The following RPA1 variants were observed in gnomAD, a reference collection of about 807,000 sequenced individuals.
RPA1 encodes replication protein A 70 kDa DNA-binding subunit.
RPA1 carries 49 observed loss-of-function variants against 83.0 expected under a neutral mutation model. The observed-to-expected ratio is 0.59, with a 90% confidence interval of 0.47 to 0.75. RPA1 has a LOEUF of 0.75. Among genes scored for constraint, RPA1 ranks in the 30% least tolerant of loss-of-function variants. RPA1 has a pLI of 0.00. For missense variants in RPA1, 693 were observed against 776.1 expected, an observed-to-expected ratio of 0.89 and a Z score of 1.27; for synonymous variants, 279 against 281.8, an observed-to-expected ratio of 0.99 and a Z score of 0.10.
chr17:1,868,151 T>A (rs531946141), intron 5 of RPA1, among the ~76,000 whole-genome samples: 2 of 152,250 alleles, frequency 1.3e-5, no homozygotes, highest in African/African-American at 4.8e-5. Context: ...AGTACCCAGC[T>A]CCACTGGGCC....
chr17:1,860,994 C>T (rs752979115), intron 5 of RPA1, among the ~76,000 whole-genome samples: 16 of 152,136 alleles, frequency 1.1e-4, no homozygotes, highest in Non-Finnish European at 2.1e-4. Context: ...TGTTCTACCT[C>T]GTGCCCCATG....
At chr17:1,896,663 C>G (rs575157587) in intron 16 of RPA1, among the ~76,000 whole-genome samples, 4 of 152,284 alleles carry the variant, frequency 2.6e-5, no homozygotes, top group South Asian at 2.1e-4. Flanking sequence ...GGTGCTCTTC[C>G]TTTCACCACT....
chr17:1,892,839 A>G (rs1253620047), intron 15 of RPA1, among the ~76,000 whole-genome samples: 1 of 152,234 alleles, frequency 6.6e-6, no homozygotes, highest in Non-Finnish European at 1.5e-5. Flanking sequence ...TATTTAATGT[A>G]CAGAATAGAT....
rs1914475783 is a variant in RPA1, at chr17:1,897,210, T to C, written c.*35T>C. 6.2e-6 allele frequency: 9 copies of C among 1,459,632 alleles called. No individual in the cohort carries two copies. The highest frequency in any genetic ancestry group is 2.0e-5 in the Admixed American group (1 of 48,978). 90.4% of individuals were successfully genotyped at this position (1,459,632 alleles called of 1,614,324 possible). ...TGCCAATCGGGCAGAAGTTTGCAAA[T>C]AGGCAGAATGGAATCGATTTCCTCC... is the stretch of plus-strand genomic sequence containing the variant. On this transcript the variant is annotated 3_prime_UTR_variant, in exon 17 of 17. Transcript: ENST00000254719.
At chr17:1,873,179 T>A (rs1913441894) in intron 6 of RPA1, among the ~76,000 whole-genome samples, 1 of 152,162 alleles carries the variant, frequency 6.6e-6, no homozygotes, top group African/African-American at 2.4e-5. Flanking sequence ...TCTCTCCGAG[T>A]TTCCTATTTT....
At chr17:1,872,262 C>G (rs1163865399) in intron 5 of RPA1, 172 bp from the exon 6 acceptor site, 2 of 953,550 alleles carry the variant, frequency 2.1e-6, no homozygotes, top group Non-Finnish European at 1.5e-6. Flanking sequence ...AAAAAGTGAA[C>G]CCCTAGCAAA....
intron 13 of RPA1, among the ~76,000 whole-genome samples, chr17:1,887,614 A>G (rs1914041611): frequency 6.6e-6 from 1 of 151,250 alleles, no homozygotes; most frequent in African/African-American, 2.4e-5. Context: ...AGGGCCAGGC[A>G]TGGTGGCTTA....
chr17:1,849,289 CTTTTTTT>C (rs61062085), intron 4 of RPA1, among the ~76,000 whole-genome samples: 24,388 of 116,274 alleles, frequency 0.21, 2,045 homozygotes, highest in East Asian at 0.42. Flanking sequence ...GTTGGCTGTT[CTTTTTTT>C]TTTTTTTTTT....
intron 11 of RPA1, among the ~76,000 whole-genome samples, chr17:1,880,146 G>A (rs893507742): frequency 6.6e-6 from 1 of 151,896 alleles, no homozygotes; most frequent in Admixed American, 6.6e-5. Context: ...TGGGGTTGGC[G>A]GAGGGGGCGT....
chr17:1,858,725 A>G (rs1912819896), intron 5 of RPA1, among the ~76,000 whole-genome samples: 1 of 151,914 alleles, frequency 6.6e-6, no homozygotes, highest in South Asian at 2.1e-4. Flanking sequence ...TCAGCCTCCC[A>G]AAGTGCTGGA....
At chr17:1,882,685 G>C (rs1271911887) in intron 12 of RPA1, among the ~76,000 whole-genome samples, 3 of 152,210 alleles carry the variant, frequency 2.0e-5, no homozygotes, top group African/African-American at 7.2e-5. Flanking sequence ...AACCACTTTT[G>C]GCTTCTGTAT....
Position 1,830,134 on chromosome 17 carries a change from G to T in RPA1, c.33+8G>T. The T allele has an allele frequency of 8.0e-7, 1 of 1,245,912 alleles. No homozygotes were observed. 77.2% of individuals were successfully genotyped at this position (1,245,912 alleles called of 1,614,324 possible). A position where few individuals can be genotyped will look rare whatever the true frequency, so the allele number is the denominator to read the frequency against. On this transcript the variant is annotated splice_region_variant and intron_variant, in intron 1 of 16. Coordinates refer to ENST00000254719, the MANE Select transcript of RPA1 (RefSeq NM_002945.5). ...AGCGAGGGGGCCATTGCGGTGAGGAGGTGCCGGGGGCTGGGCCGGCGGTCC... is the reference window on the plus strand; with the variant it reads ...AGCGAGGGGGCCATTGCGGTGAGGATGTGCCGGGGGCTGGGCCGGCGGTCC...
At chr17:1,880,205 T>TG (rs937065710) in intron 11 of RPA1, among the ~76,000 whole-genome samples, 3 of 152,050 alleles carry the variant, frequency 2.0e-5, no homozygotes, top group Admixed American at 1.3e-4. Flanking sequence ...GAGCTCCTCG[T>TG]GGGGGCGGTT....
chr17:1,888,348 G>C (rs1914070842), intron 13 of RPA1, among the ~76,000 whole-genome samples: 1 of 152,158 alleles, frequency 6.6e-6, no homozygotes, highest in Non-Finnish European at 1.5e-5. Context: ...ACAAATCTTT[G>C]TCTTTCATAC....
chr17:1,891,997 CACTG>C (rs1311717532), intron 15 of RPA1, 57 bp downstream of exon 15: 10 of 1,207,106 alleles, frequency 8.3e-6, no homozygotes, highest in Non-Finnish European at 1.2e-5. Context: ...CATTCTATAA[CACTG>C]ACCCCACACA....
chr17:1,838,805 A>G (rs1911927230), intron 1 of RPA1, among the ~76,000 whole-genome samples: 1 of 152,092 alleles, frequency 6.6e-6, no homozygotes, highest in Admixed American at 6.6e-5. Flanking sequence ...TATTGAAAAC[A>G]CTATCCCATT....
At chr17:1,835,804 G>A (rs532018500) in intron 1 of RPA1, among the ~76,000 whole-genome samples, 3 of 152,118 alleles carry the variant, frequency 2.0e-5, no homozygotes, top group African/African-American at 7.2e-5. Context: ...ATACATGCAC[G>A]TGGTTTTAAA....
intron 5 of RPA1, among the ~76,000 whole-genome samples, chr17:1,863,437 T>C (rs1341331268): frequency 6.6e-6 from 1 of 152,104 alleles, no homozygotes. Context: ...GGTCTCGAAC[T>C]CCTGACCTCA....
intron 5 of RPA1, chr17:1,854,238 C>T (rs983906735): frequency 2.0e-5 from 3 of 152,050 alleles, no homozygotes; most frequent in Non-Finnish European, 4.4e-5. Flanking sequence ...TTTGCCCTTA[C>T]ACCAAGTCAA....
Sources: gnomAD v4.1 joint callset for allele counts (sites outside exome capture counted in the v4.1 genomes callset) on GRCh38, gnomAD v4.1.1 for gene constraint, MANE v1.5 for transcripts, NCBI Gene and HGNC (gene_info 2026-07-23, HGNC 2026-07-21) for gene names.